Variants in CNGA1 observed in about 807,000 individuals in gnomAD.
CNGA1 encodes cyclic nucleotide-gated channel alpha-1.
CNGA1 carries 53 observed loss-of-function variants against 69.7 expected under a neutral mutation model. The ratio of observed to expected loss-of-function variants is 0.76; its 90% CI spans 0.61 to 0.96. The LOEUF (loss-of-function observed/expected upper bound fraction) is 0.96. CNGA1 is among the 40% of genes least tolerant of loss of function. The pLI, the probability that CNGA1 is intolerant of heterozygous loss-of-function variation, is 0.00. For missense variants in CNGA1, 739 were observed against 811.2 expected (o/e 0.91, Z 1.08); for synonymous variants, 249 against 283.5 (o/e 0.88, Z 1.22).
intron 2 of CNGA1, among the ~76,000 whole-genome samples, chr4:48,009,800 A>G (rs1395369383): frequency 1.3e-5 from 2 of 152,194 alleles, no homozygotes; most frequent in African/African-American, 4.8e-5. Context: ...GCGAAGCTCC[A>G]TCTCAAAAAA....
chr4:47,977,388 C>T (rs1231266306), intron 3 of CNGA1, among the ~76,000 whole-genome samples: 3 of 152,134 alleles, frequency 2.0e-5, no homozygotes, highest in Non-Finnish European at 4.4e-5. Context: ...AAACTGATGG[C>T]ACCTTGATCT....
chr4:48,007,569 G>A (rs1269264998), intron 2 of CNGA1, among the ~76,000 whole-genome samples: 1 of 151,982 alleles, frequency 6.6e-6, no homozygotes, highest in Non-Finnish European at 1.5e-5. Context: ...AGCAGGACTT[G>A]GTGTCCTTTT....
At chr4:47,947,609 G>A (rs1375315210) in intron 6 of CNGA1, among the ~76,000 whole-genome samples, 1 of 152,088 alleles carries the variant, frequency 6.6e-6, no homozygotes, top group Non-Finnish European at 1.5e-5. Context: ...GATGGAGGCT[G>A]CAGTGAGCCA....
chr4:47,959,140 G>A (rs1740274334), intron 3 of CNGA1: 2 of 152,164 alleles, frequency 1.3e-5, no homozygotes, highest in Non-Finnish European at 2.9e-5. Context: ...AGAAAGACAG[G>A]TATAAGTCAC....
chr4:47,951,327 A>G (rs756177800), intron 5 of CNGA1, 26 bp downstream of exon 5: 2 of 1,438,778 alleles, frequency 1.4e-6, no homozygotes, highest in Non-Finnish European at 2.0e-6. Flanking sequence ...AAAAACAAGC[A>G]CCAAGGGATG....
At chr4:48,014,706 T>G (rs895214543) in intron 1 of CNGA1, among the ~76,000 whole-genome samples, 4 of 152,314 alleles carry the variant, frequency 2.6e-5, no homozygotes, top group Admixed American at 2.6e-4. Context: ...TCATGAAGAT[T>G]TATAAAGCAA....
chr4:47,963,267 A>G (rs1740560145), intron 3 of CNGA1, among the ~76,000 whole-genome samples: 1 of 152,234 alleles, frequency 6.6e-6, no homozygotes, highest in Non-Finnish European at 1.5e-5. Flanking sequence ...TGGATTTTAA[A>G]TTGAGTGAGT....
At chr4:47,958,362 C>T (rs113218543) in intron 3 of CNGA1, among the ~76,000 whole-genome samples, 17 of 152,198 alleles carry the variant, frequency 1.1e-4, no homozygotes, top group Admixed American at 9.2e-4. Context: ...TGGTGGCTCA[C>T]GCCTGTAATC....
At chr4:47,951,891 A>G (rs1739763072) in intron 4 of CNGA1, among the ~76,000 whole-genome samples, 1 of 152,224 alleles carries the variant, frequency 6.6e-6, no homozygotes, top group African/African-American at 2.4e-5. Context: ...AAGCACTTTA[A>G]ATTATACTTT....
intron 2 of CNGA1, among the ~76,000 whole-genome samples, chr4:47,982,761 T>A (rs1300979811): frequency 6.6e-6 from 1 of 152,182 alleles, no homozygotes; most frequent in Non-Finnish European, 1.5e-5. Context: ...TGATTCATTT[T>A]CCTATTATTG....
intron 1 of CNGA1, among the ~76,000 whole-genome samples, chr4:48,012,558 CT>C (rs528643370): frequency 1.5e-5 from 1 of 64,996 alleles, no homozygotes; most frequent in African/African-American, 6.6e-5. Flanking sequence ...ACCACACCAT[CT>C]TTTTTTTTTT....
intron 2 of CNGA1, among the ~76,000 whole-genome samples, chr4:47,987,460 C>G (rs1261154139): frequency 1.3e-5 from 2 of 152,128 alleles, no homozygotes; most frequent in Admixed American, 6.5e-5. Context: ...GTCATGAGAT[C>G]AGGAACCGTG....
chr4:47,948,513 G>A (rs1166133406), intron 6 of CNGA1, among the ~76,000 whole-genome samples: 1 of 152,102 alleles, frequency 6.6e-6, no homozygotes, highest in East Asian at 1.9e-4. Flanking sequence ...GGATCTAGAG[G>A]TCCTGGCTTC....
chr4:48,011,953 G>A (rs891353902), intron 1 of CNGA1, among the ~76,000 whole-genome samples: 11 of 152,108 alleles, frequency 7.2e-5, no homozygotes, highest in Admixed American at 5.9e-4. Context: ...TTAGTTAATC[G>A]CTTTAGGATT....
chr4:47,962,809 A>G (rs1740525998), intron 3 of CNGA1, among the ~76,000 whole-genome samples: 1 of 152,176 alleles, frequency 6.6e-6, no homozygotes, highest in South Asian at 2.1e-4. Context: ...CTAGTATACC[A>G]TTTCAATAAT....
intron 3 of CNGA1, among the ~76,000 whole-genome samples, chr4:47,971,789 G>A (rs1043961882): frequency 2.8e-4 from 42 of 152,150 alleles, no homozygotes; most frequent in African/African-American, 9.9e-4. Flanking sequence ...AGCTACTGGG[G>A]AGGCTGAGAC....
At chr4:47,951,211 T>G in intron 5 of CNGA1, 142 bp downstream of exon 5, 1 of 656,004 alleles carries the variant, frequency 1.5e-6, no homozygotes, top group Non-Finnish European at 2.8e-6. Context: ...TGTTTGATTA[T>G]TGGAACGCTA....
At chr4:47,940,734 T>A (rs778374810) in intron 10 of CNGA1, 29 bp downstream of exon 10, 1 of 1,378,480 alleles carries the variant, frequency 7.3e-7, no homozygotes, top group African/African-American at 1.4e-5. Flanking sequence ...GCATGAAATT[T>A]TAAAATATTC....
At chr4:47,946,658 A>G (rs1000902469) in intron 6 of CNGA1, among the ~76,000 whole-genome samples, 2 of 152,278 alleles carry the variant, frequency 1.3e-5, no homozygotes, top group African/African-American at 4.8e-5. Context: ...GTCAGAAACA[A>G]CAATTCATAA....
Sources: allele counts gnomAD v4.1 joint callset (sites outside exome capture counted in the v4.1 genomes callset), GRCh38; gene constraint gnomAD v4.1.1; transcripts MANE v1.5; gene names NCBI Gene and HGNC (gene_info 2026-07-23, HGNC 2026-07-21).